KLF7: variants seen among roughly 807,000 people sequenced by gnomAD.
KLF7 encodes KLF transcription factor 7.
In KLF7, 2 loss-of-function variants were observed where a neutral mutation model predicts 27.3. The observed-to-expected ratio is 0.07, with a 90% CI of 0.03 to 0.23. The LOEUF (loss-of-function observed/expected upper bound fraction) is 0.23, where lower values mean the gene tolerates loss of function less well. Ranked by LOEUF, KLF7 falls within the 10% of genes least tolerant of loss-of-function variation. The pLI, the probability that KLF7 is intolerant of heterozygous loss-of-function variation, is 1.00. For synonymous variants in KLF7, 165 were observed against 162.4 expected, an observed-to-expected ratio of 1.02 and a Z score of -0.12; for missense variants, 221 against 394.1, an observed-to-expected ratio of 0.56 and a Z score of 3.72.
chr2:207,140,509 A>C (rs1299959457), intron 1 of KLF7, among the ~76,000 whole-genome samples: 2 of 152,204 alleles, frequency 1.3e-5, no homozygotes, highest in Non-Finnish European at 2.9e-5. Flanking sequence ...TAAGAAATAG[A>C]AGCAACAAGA....
At chr2:207,142,998 C>T (rs1338134552) in intron 1 of KLF7, among the ~76,000 whole-genome samples, 1 of 152,076 alleles carries the variant, frequency 6.6e-6, no homozygotes, top group South Asian at 2.1e-4. Flanking sequence ...ACCCAGTAGC[C>T]GTATTAATGT....
At chr2:207,100,918 T>C (rs539984206) in intron 2 of KLF7, among the ~76,000 whole-genome samples, 10 of 152,346 alleles carry the variant, frequency 6.6e-5, no homozygotes, top group Admixed American at 3.3e-4. Context: ...TGCTTTCTCA[T>C]TGGCCTCTTT....
chr2:207,084,549 T>C (rs2076344630), intron 3 of KLF7, among the ~76,000 whole-genome samples: 1 of 152,168 alleles, frequency 6.6e-6, no homozygotes. Context: ...AAAAAAAATG[T>C]ATGATGCTCA....
chr2:207,106,517 G>A (rs892405666), intron 2 of KLF7, among the ~76,000 whole-genome samples: 2 of 152,320 alleles, frequency 1.3e-5, no homozygotes, highest in East Asian at 3.9e-4. Flanking sequence ...TATGAGCTGA[G>A]TGGATGGGCC....
rs757961577 is a variant in KLF7, at chr2:207,078,011, T to C, written c.*3202A>G. 1 of 152,212 alleles carries C rather than the reference T, an allele frequency of 6.6e-6. No individual in the cohort carries two copies. The highest frequency in any genetic ancestry group is 2.4e-5 in the African/African-American group (1 of 41,458). 9.4% of individuals were successfully genotyped at this position (152,212 alleles called of 1,614,324 possible). ...TTAATGCACTGTTTTAAATAACCAGTCCTCTTGGGAGCAAAATGTCTTCAG... is the reference window on the plus strand; with the variant it reads ...TTAATGCACTGTTTTAAATAACCAGCCCTCTTGGGAGCAAAATGTCTTCAG... On this transcript the variant is annotated 3_prime_UTR_variant, in exon 4 of 4. Coordinates refer to ENST00000309446, the MANE Select transcript of KLF7 (RefSeq NM_003709.4).
At chr2:207,091,670 A>G (rs1049337623) in intron 2 of KLF7, among the ~76,000 whole-genome samples, 4 of 152,232 alleles carry the variant, frequency 2.6e-5, no homozygotes, top group Admixed American at 2.0e-4. Flanking sequence ...ATATATATAA[A>G]GAATTGGGAA....
At chr2:207,153,122 C>A (rs965525957) in intron 1 of KLF7, among the ~76,000 whole-genome samples, 5 of 152,028 alleles carry the variant, frequency 3.3e-5, no homozygotes, top group African/African-American at 1.2e-4. Flanking sequence ...AACCACAGAG[C>A]AGCGAGTGTA....
intron 3 of KLF7, among the ~76,000 whole-genome samples, chr2:207,085,218 T>C (rs148214028): frequency 1.5e-5 from 2 of 136,670 alleles, no homozygotes; most frequent in East Asian, 4.1e-4. Flanking sequence ...ACATAGGGAT[T>C]AAGTCAACAG....
chr2:207,097,156 A>G (rs2076650392), intron 2 of KLF7, among the ~76,000 whole-genome samples: 1 of 152,154 alleles, frequency 6.6e-6, no homozygotes, highest in Non-Finnish European at 1.5e-5. Flanking sequence ...CAAAAAATAG[A>G]TTATTCTAGT....
At chr2:207,157,040 G>C (rs1474908288) in intron 1 of KLF7, among the ~76,000 whole-genome samples, 1 of 151,946 alleles carries the variant, frequency 6.6e-6, no homozygotes, top group Non-Finnish European at 1.5e-5. Context: ...ACTGAAAAAG[G>C]CATAGTCAAA....
At chr2:207,135,234 G>C (rs541958529) in intron 1 of KLF7, among the ~76,000 whole-genome samples, 70 of 152,134 alleles carry the variant, frequency 4.6e-4, no homozygotes, top group African/African-American at 1.6e-3. Context: ...AGTAATAGGA[G>C]AGTGAAGACT....
chr2:207,130,899 T>A (rs1004568009), intron 1 of KLF7, among the ~76,000 whole-genome samples: 3 of 152,222 alleles, frequency 2.0e-5, no homozygotes, highest in Non-Finnish European at 4.4e-5. Context: ...TAATGACTTT[T>A]TCTGGTACAG....
intron 1 of KLF7, among the ~76,000 whole-genome samples, chr2:207,164,843 T>C (rs559228032): frequency 2.6e-5 from 4 of 152,326 alleles, no homozygotes; most frequent in East Asian, 1.9e-4. Flanking sequence ...CTACAATTCA[T>C]TGTCAGCCTC....
upstream of KLF7, chr2:207,166,168 C>T (rs1269337765): frequency 1.6e-5 from 16 of 985,740 alleles, no homozygotes; most frequent in Non-Finnish European, 1.7e-5. Flanking sequence ...TCGAGGAGGG[C>T]GTCCATTAGG....
At chr2:207,115,704 G>C (rs906848100) in intron 2 of KLF7, among the ~76,000 whole-genome samples, 1 of 152,082 alleles carries the variant, frequency 6.6e-6, no homozygotes, top group African/African-American at 2.4e-5. Context: ...GAGTAAAGTG[G>C]GGGAATGCCA....
intron 2 of KLF7, among the ~76,000 whole-genome samples, chr2:207,094,233 C>T (rs2076576349): frequency 2.0e-5 from 3 of 152,202 alleles, no homozygotes; most frequent in East Asian, 1.9e-4. Flanking sequence ...CTCACTAATA[C>T]AAATGTTCTG....
chr2:207,143,243 A>C (rs1054369695), intron 1 of KLF7, among the ~76,000 whole-genome samples: 1 of 152,208 alleles, frequency 6.6e-6, no homozygotes, highest in African/African-American at 2.4e-5. Flanking sequence ...TGGTAGCTGA[A>C]GCAAAAAGAT....
At chr2:207,101,747 G>T (rs1424209852) in intron 2 of KLF7, among the ~76,000 whole-genome samples, 1 of 152,154 alleles carries the variant, frequency 6.6e-6, no homozygotes, top group African/African-American at 2.4e-5. Context: ...TGTCCTGTGG[G>T]AAGTGGCTCT....
chr2:207,161,915 C>T (rs181746918), intron 1 of KLF7, among the ~76,000 whole-genome samples: 2 of 152,232 alleles, frequency 1.3e-5, no homozygotes, highest in Admixed American at 1.3e-4. Flanking sequence ...AAACTGACCC[C>T]ATCTGCCAAT....
Sources: gnomAD v4.1 joint callset for allele counts (sites outside exome capture counted in the v4.1 genomes callset) on GRCh38, gnomAD v4.1.1 for gene constraint, MANE v1.5 for transcripts, NCBI Gene and HGNC (gene_info 2026-07-23, HGNC 2026-07-21) for gene names.